Variants in ICA1 observed in about 807,000 individuals in gnomAD.
ICA1 encodes the protein islet cell autoantigen 1.
Under a neutral mutation model 71.0 loss-of-function variants are expected in ICA1, and 40 were observed. That is an observed-to-expected ratio of 0.56 (90% CI 0.44 to 0.73). ICA1 has a LOEUF of 0.73. ICA1 is among the 30% of genes least tolerant of loss of function. The probability of loss-of-function intolerance (pLI) is 0.00; values close to 1 mark genes in which losing one functional copy is unlikely to be tolerated. For synonymous variants in ICA1, 207 were observed against 209.5 expected, an observed-to-expected ratio of 0.99 and a Z score of 0.10; for missense variants, 578 against 576.5, an observed-to-expected ratio of 1.00 and a Z score of -0.03.
At chr7:8,184,086 T>C (rs904376941) in intron 6 of ICA1, among the ~76,000 whole-genome samples, 3 of 152,252 alleles carry the variant, frequency 2.0e-5, no homozygotes, top group African/African-American at 7.2e-5. Flanking sequence ...CTAGTTAATT[T>C]GCTAGCATCT....
intron 6 of ICA1, among the ~76,000 whole-genome samples, chr7:8,188,778 G>C (rs781587271): frequency 5.9e-5 from 9 of 152,098 alleles, no homozygotes; most frequent in Non-Finnish European, 1.0e-4. Flanking sequence ...TTTTGGCCAT[G>C]GCTCCCTAGG....
intron 8 of ICA1, among the ~76,000 whole-genome samples, chr7:8,146,744 T>TGTGC (rs200487742): frequency 0.19 from 140 of 746 alleles, no homozygotes; most frequent in Admixed American, 0.31. Flanking sequence ...TGCGTGTGCG[T>TGTGC]GTGTGTGTGT....
chr7:8,211,429 T>C (rs879435263), intron 6 of ICA1, among the ~76,000 whole-genome samples: 1 of 152,136 alleles, frequency 6.6e-6, no homozygotes, highest in Non-Finnish European at 1.5e-5. Context: ...TGTCCAGCAT[T>C]ATGCCCTGAA....
Position 8,122,299 on chromosome 7 carries a change from G to A in ICA1, c.1330+5574C>T, listed in dbSNP as rs550382096. Among the ~76,000 whole-genome samples, 7 of 152,336 alleles carry A rather than the reference G, an allele frequency of 4.6e-5. No individual in the cohort carries two copies. In the South Asian group the frequency reaches 8.3e-4, roughly 18 times the overall value. ...AGGTGTGGACAGTGAGGAGACAGTC[G>A]TGTCCTAAAGGACCTTGGAAGCCAT... On this transcript the variant is annotated intron_variant, in intron 13 of 13. Transcript: ENST00000402384.
chr7:8,145,137 C>T (rs111820557), intron 8 of ICA1, among the ~76,000 whole-genome samples: 61 of 152,342 alleles, frequency 4.0e-4, no homozygotes, highest in African/African-American at 1.4e-3. Context: ...CCCACGTCAT[C>T]ATGTTATCCT....
At chr7:8,155,583 T>C (rs1801204680) in intron 8 of ICA1, among the ~76,000 whole-genome samples, 1 of 152,238 alleles carries the variant, frequency 6.6e-6, no homozygotes, top group Non-Finnish European at 1.5e-5. Flanking sequence ...TTTCATCTTC[T>C]AACTGGTTGG....
chr7:8,129,135 G>A (rs1307172825), intron 12 of ICA1, among the ~76,000 whole-genome samples: 1 of 152,118 alleles, frequency 6.6e-6, no homozygotes, highest in Non-Finnish European at 1.5e-5. Flanking sequence ...CTTTCACTGG[G>A]TTTATTACTT....
At chr7:8,136,896 T>C (rs1272309584) in intron 12 of ICA1, among the ~76,000 whole-genome samples, 1 of 152,212 alleles carries the variant, frequency 6.6e-6, no homozygotes, top group Non-Finnish European at 1.5e-5. Flanking sequence ...TTCCAACATA[T>C]CTTGGCACAT....
chr7:8,201,696 G>A (rs915745038), intron 6 of ICA1, among the ~76,000 whole-genome samples: 2 of 152,200 alleles, frequency 1.3e-5, no homozygotes, highest in Non-Finnish European at 2.9e-5. Flanking sequence ...AAGAAATTCA[G>A]AAGATCTTCT....
intron 10 of ICA1, among the ~76,000 whole-genome samples, chr7:8,140,860 G>T (rs956210611): frequency 6.6e-6 from 1 of 152,216 alleles, no homozygotes; most frequent in African/African-American, 2.4e-5. Context: ...AAGGAAGATA[G>T]AGGGTGAAGG....
At chr7:8,166,815 A>G (rs1386685529) in intron 6 of ICA1, among the ~76,000 whole-genome samples, 1 of 152,230 alleles carries the variant, frequency 6.6e-6, no homozygotes, top group Non-Finnish European at 1.5e-5. Flanking sequence ...ACTTGATTAA[A>G]AAACAGGCCA....
Position 8,128,146 on chromosome 7 carries a change from A to T in ICA1, c.1061-4T>A, listed in dbSNP as rs770207490. Reference sequence around the variant, plus strand: ...CCTGCCACTGGTCCCAGGCAAGCTGATTGAAGTAACAGAGAACAAAACGTC... The same window carrying T: ...CCTGCCACTGGTCCCAGGCAAGCTGTTTGAAGTAACAGAGAACAAAACGTC... On this transcript the variant is annotated splice_polypyrimidine_tract_variant and splice_region_variant and intron_variant, in intron 12 of 13. Coordinates refer to ENST00000402384, the MANE Select transcript of ICA1 (RefSeq NM_001136020.3). 3 of 1,613,546 alleles carry T rather than the reference A, an allele frequency of 1.9e-6. No homozygotes were observed. Among genetic ancestry groups the T allele is most frequent in the Non-Finnish European group, 2.5e-6 (3 of 1,179,702 alleles).
At chr7:8,172,137 T>A (rs908827276) in intron 6 of ICA1, among the ~76,000 whole-genome samples, 7 of 152,062 alleles carry the variant, frequency 4.6e-5, no homozygotes, top group South Asian at 2.1e-4. Context: ...GTCTTCTATA[T>A]CCTTATTGAT....
rs183172879 is a variant in ICA1 at position 8,153,391 on chromosome 7, C to T, written c.804+3725G>A. Among the ~76,000 whole-genome samples, 8 of 152,178 alleles carry T rather than the reference C, an allele frequency of 5.3e-5. No individual in the cohort carries two copies. The East Asian group carries it at 9.7e-4, about 18-fold the overall frequency. On this transcript the variant is annotated intron_variant, in intron 8 of 13. Transcript: ENST00000402384. ...GCTGCGAGGGGCCCAATGCTCACTGCGACACCCAACTCAACCTGCTGCCAG... is the reference window on the plus strand; with the variant it reads ...GCTGCGAGGGGCCCAATGCTCACTGTGACACCCAACTCAACCTGCTGCCAG...
At chr7:8,232,831 T>C (rs1800671286) in intron 2 of ICA1, 76 bp from the exon 3 acceptor site, 1 of 1,263,528 alleles carries the variant, frequency 7.9e-7, no homozygotes, top group Non-Finnish European at 1.1e-6. Context: ...ATGATTTCTT[T>C]AAACATGACT....
At chr7:8,124,935 C>A (rs1178973170) in intron 13 of ICA1, among the ~76,000 whole-genome samples, 3 of 152,004 alleles carry the variant, frequency 2.0e-5, no homozygotes, top group Non-Finnish European at 4.4e-5. Context: ...CCTACAGGTG[C>A]ACACCACCAC....
chr7:8,147,516 GTTGA>G (rs1302970397), intron 8 of ICA1, among the ~76,000 whole-genome samples: 2 of 152,058 alleles, frequency 1.3e-5, no homozygotes, highest in Non-Finnish European at 2.9e-5. Context: ...ATATGTACTT[GTTGA>G]TTGATAAATG....
At chr7:8,137,821 A>T (rs1267738912) in intron 12 of ICA1, among the ~76,000 whole-genome samples, 1 of 152,150 alleles carries the variant, frequency 6.6e-6, no homozygotes, top group African/African-American at 2.4e-5. Context: ...ACTTTTGACA[A>T]AACTTTAACC....
chr7:8,120,472 G>T (rs3807848), intron 13 of ICA1, among the ~76,000 whole-genome samples: 71,800 of 152,008 alleles, frequency 0.47, 21,362 homozygotes, highest in African/African-American at 0.85. Flanking sequence ...AAAATGCTAT[G>T]TAAAGAGAAC....
Sources: gnomAD v4.1 joint callset for allele counts (sites outside exome capture counted in the v4.1 genomes callset) on GRCh38, gnomAD v4.1.1 for gene constraint, MANE v1.5 for transcripts, NCBI Gene and HGNC (gene_info 2026-07-23, HGNC 2026-07-21) for gene names.